The following RNF180 variants were observed in gnomAD, a reference collection of about 807,000 sequenced individuals.
The protein encoded by RNF180 is E3 ubiquitin-protein ligase RNF180.
RNF180 carries 38 observed loss-of-function variants against 59.2 expected under a neutral mutation model. The ratio of observed to expected loss-of-function variants is 0.64; its 90% CI spans 0.50 to 0.84. The LOEUF is 0.84. Ranked by LOEUF, RNF180 falls within the 40% of genes least tolerant of loss-of-function variation. The pLI is 0.00. For synonymous variants in RNF180, 262 were observed against 240.3 expected (o/e 1.09, Z -0.84); for missense variants, 705 against 700.9 (o/e 1.01, Z -0.07).
intron 5 of RNF180, among the ~76,000 whole-genome samples, chr5:64,263,654 A>G (rs561139777): frequency 6.6e-6 from 1 of 152,256 alleles, no homozygotes; most frequent in South Asian, 2.1e-4. Context: ...TTCATGACAA[A>G]ACATCATTGA....
At position 64,273,428 on chromosome 5, in the gene RNF180, G is replaced by GA. The variant is rs531978667; in HGVS notation, c.1228-51750dup. Among the ~76,000 whole-genome samples, 13 of 151,320 alleles carry GA rather than the reference G, an allele frequency of 8.6e-5. No homozygotes were observed. In the East Asian group the frequency reaches 2.1e-3, roughly 25 times the overall value. ...ACTTGCTTTCACTTAAAACAGAAGA[G>GA]AAAAAAAAGAGAAGGCAGCTTAAGA... On this transcript the variant is annotated intron_variant, in intron 5 of 7. Coordinates refer to ENST00000389100, the MANE Select transcript of RNF180 (RefSeq NM_001113561.2).
intron 5 of RNF180, among the ~76,000 whole-genome samples, chr5:64,224,062 GGTGTGTGTGTGTGTGTGTGTGTGTGTGT>G (rs10694125): frequency 7.1e-6 from 1 of 141,346 alleles, no homozygotes; most frequent in East Asian, 2.1e-4. Context: ...TCTAGGTTGG[GGTGTGTGTGTGTGTGTGTGTGTGTGTGT>G]GTGTGTGTGT....
intron 1 of RNF180, among the ~76,000 whole-genome samples, chr5:64,179,882 C>G (rs905614747): frequency 1.3e-5 from 2 of 152,114 alleles, no homozygotes; most frequent in Non-Finnish European, 2.9e-5. Flanking sequence ...TCTTGTTGCT[C>G]CAGATCATTT....
At chr5:64,176,977 T>C (rs1259100785) in intron 1 of RNF180, among the ~76,000 whole-genome samples, 2 of 152,206 alleles carry the variant, frequency 1.3e-5, no homozygotes, top group Admixed American at 1.3e-4. Flanking sequence ...GGGGGCTGTC[T>C]ACTCAAAGTT....
chr5:64,194,661 C>G (rs1751363185), intron 1 of RNF180, among the ~76,000 whole-genome samples: 1 of 152,216 alleles, frequency 6.6e-6, no homozygotes, highest in South Asian at 2.1e-4. Flanking sequence ...TCCTCTCCAG[C>G]ACCTATTGTT....
At chr5:64,282,985 G>A (rs1229220087) in intron 5 of RNF180, among the ~76,000 whole-genome samples, 1 of 152,112 alleles carries the variant, frequency 6.6e-6, no homozygotes, top group Non-Finnish European at 1.5e-5. Flanking sequence ...GTTGTTTTGG[G>A]GTGGAGAGTT....
chr5:64,288,096 A>G (rs996778739), intron 5 of RNF180, among the ~76,000 whole-genome samples: 2 of 152,112 alleles, frequency 1.3e-5, no homozygotes, highest in Non-Finnish European at 2.9e-5. Context: ...TAAGGAAGGG[A>G]TCCAGTTTCA....
chr5:64,345,775 C>G (rs1745528959), intron 7 of RNF180, among the ~76,000 whole-genome samples: 1 of 152,140 alleles, frequency 6.6e-6, no homozygotes, highest in South Asian at 2.1e-4. Context: ...ACTCACATTA[C>G]TGACCAAAAC....
chr5:64,232,046 G>A (rs1194384759), intron 5 of RNF180, among the ~76,000 whole-genome samples: 1 of 152,144 alleles, frequency 6.6e-6, no homozygotes, highest in East Asian at 1.9e-4. Flanking sequence ...TGCTTGATTG[G>A]CACCTAATAG....
In RNF180 at chr5:64,200,812, AAAG is replaced by A. The variant is rs770733359; in HGVS notation, c.9_11del (p.Arg3del). 2.4e-5 allele frequency: 38 copies of A among 1,611,596 alleles called. No individual in the cohort carries two copies. Among genetic ancestry groups the A allele is most frequent in the Non-Finnish European group, 3.1e-5 (36 of 1,178,446 alleles). ...AATGCACTAATGTTTCCGCAGATGAAAAGAAGCAAAGAATTGATAACTAAAAAT... is the reference window on the plus strand; with the variant it reads ...AATGCACTAATGTTTCCGCAGATGAAAAGCAAAGAATTGATAACTAAAAAT... On this transcript the variant is annotated inframe_deletion, in exon 2 of 8. Transcript: ENST00000389100.
rs540298225 is a variant in RNF180 at position 64,286,031 on chromosome 5, T to A, written c.1228-39155T>A. 9.9e-5 allele frequency among the ~76,000 whole-genome samples: 15 copies of A among 152,230 alleles called. No homozygotes were observed. In the East Asian group the frequency reaches 1.7e-3, roughly 18 times the overall value. ...GCTCAACCCCCCCTTCCCCAGGAACTGCTTGAAATCAGGAACAAGTCCCAG... is the reference window on the plus strand; with the variant it reads ...GCTCAACCCCCCCTTCCCCAGGAACAGCTTGAAATCAGGAACAAGTCCCAG... On this transcript the variant is annotated intron_variant, in intron 5 of 7. Coordinates refer to ENST00000389100, the MANE Select transcript of RNF180 (RefSeq NM_001113561.2).
chr5:64,308,571 G>A (rs989461631), intron 5 of RNF180, among the ~76,000 whole-genome samples: 2 of 151,716 alleles, frequency 1.3e-5, no homozygotes, highest in African/African-American at 2.4e-5. Context: ...CAATGGTTCA[G>A]TGTTTCTGAG....
intron 1 of RNF180, among the ~76,000 whole-genome samples, chr5:64,172,802 G>A (rs1247123613): frequency 1.3e-5 from 2 of 152,148 alleles, no homozygotes; most frequent in East Asian, 1.9e-4. Flanking sequence ...AGAAGTAGGA[G>A]GGGGCTTCAG....
chr5:64,286,350 A>G (rs1299001470), intron 5 of RNF180, among the ~76,000 whole-genome samples: 2 of 152,230 alleles, frequency 1.3e-5, no homozygotes, highest in East Asian at 3.9e-4. Flanking sequence ...AAGTTTCAAG[A>G]AAAAAGCACA....
At chr5:64,222,333 A>G (rs774223485) in intron 5 of RNF180, among the ~76,000 whole-genome samples, 8 of 152,138 alleles carry the variant, frequency 5.3e-5, no homozygotes, top group African/African-American at 1.7e-4. Context: ...CATGTGCACA[A>G]TGTGCACGTT....
intron 1 of RNF180, among the ~76,000 whole-genome samples, chr5:64,171,673 C>G (rs1416145099): frequency 6.6e-6 from 1 of 152,186 alleles, no homozygotes; most frequent in East Asian, 1.9e-4. Flanking sequence ...TCTATCTTGT[C>G]AGTACCATTA....
intron 5 of RNF180, among the ~76,000 whole-genome samples, chr5:64,228,678 T>TA (rs898402038): frequency 2.5e-4 from 38 of 152,206 alleles, no homozygotes; most frequent in African/African-American, 6.7e-4. Context: ...TGTAAAACGT[T>TA]AAAAAAATCA....
intron 5 of RNF180, among the ~76,000 whole-genome samples, chr5:64,249,729 A>G (rs1294822159): frequency 1.3e-5 from 2 of 152,172 alleles, no homozygotes; most frequent in Non-Finnish European, 2.9e-5. Context: ...AGAGAAAAAC[A>G]TGGTCATTAT....
At chr5:64,360,717 A>G (rs1454422064) in intron 7 of RNF180, among the ~76,000 whole-genome samples, 1 of 151,730 alleles carries the variant, frequency 6.6e-6, no homozygotes, top group Non-Finnish European at 1.5e-5. Context: ...TAAGCTAACA[A>G]GTTATTTGGC....
Sources: allele counts gnomAD v4.1 joint callset (sites outside exome capture counted in the v4.1 genomes callset), GRCh38; gene constraint gnomAD v4.1.1; transcripts MANE v1.5; gene names NCBI Gene and HGNC (gene_info 2026-07-23, HGNC 2026-07-21).